Variants in MCTP1 observed in about 807,000 individuals in gnomAD.
MCTP1 encodes multiple C2 and transmembrane domain-containing protein 1.
MCTP1 carries 69 observed loss-of-function variants against 120.6 expected under a neutral mutation model. That is an observed-to-expected ratio of 0.57 (90% CI 0.47 to 0.70). MCTP1 has a LOEUF of 0.70. Ranked by LOEUF, MCTP1 falls within the 30% of genes least tolerant of loss-of-function variation. The pLI, the probability that MCTP1 is intolerant of heterozygous loss-of-function variation, is 0.00. For missense variants in MCTP1, 1,203 were observed against 1,248.8 expected, an observed-to-expected ratio of 0.96 and a Z score of 0.55; for synonymous variants, 529 against 493.1, an observed-to-expected ratio of 1.07 and a Z score of -0.96.
At chr5:95,253,555 T>C (rs1282965760) in intron 1 of MCTP1, among the ~76,000 whole-genome samples, 1 of 152,186 alleles carries the variant, frequency 6.6e-6, no homozygotes, top group Non-Finnish European at 1.5e-5. Context: ...TCTTTGTCTT[T>C]GCTCTTTCCC....
chr5:95,232,908 G>A (rs1396615654), intron 1 of MCTP1, among the ~76,000 whole-genome samples: 1 of 152,084 alleles, frequency 6.6e-6, no homozygotes, highest in Middle Eastern at 3.2e-3. Flanking sequence ...TGTACCTAAA[G>A]GACATTATAA....
At chr5:95,029,970 T>C (rs1839981441) in intron 1 of MCTP1, among the ~76,000 whole-genome samples, 1 of 152,056 alleles carries the variant, frequency 6.6e-6, no homozygotes, top group Non-Finnish European at 1.5e-5. Context: ...CAACTCCCAC[T>C]CCCTACACAG....
At chr5:94,785,311 TCTAA>T (rs1172658661) in intron 18 of MCTP1, among the ~76,000 whole-genome samples, 1 of 152,132 alleles carries the variant, frequency 6.6e-6, no homozygotes, top group Non-Finnish European at 1.5e-5. Context: ...TCTGTCTCCA[TCTAA>T]AGGCTTTACA....
intron 5 of MCTP1, among the ~76,000 whole-genome samples, chr5:94,936,247 C>A (rs1002150433): frequency 6.7e-6 from 1 of 149,694 alleles, no homozygotes; most frequent in Admixed American, 6.7e-5. Context: ...AGAAAAAAAA[C>A]CATACACCCT....
At chr5:94,755,931 C>T (rs1170074789) in intron 19 of MCTP1, among the ~76,000 whole-genome samples, 1 of 152,140 alleles carries the variant, frequency 6.6e-6, no homozygotes, top group Admixed American at 6.6e-5. Flanking sequence ...ATTTCAAACT[C>T]GACATGTTAG....
At position 94,894,799 on chromosome 5, in the gene MCTP1, C is replaced by G. The variant is rs760827846; in HGVS notation, c.1689G>C (p.Gln563His). The change falls in exon 11 of 23, where the codon CAG becomes CAC. Residue 563 changes from glutamine to histidine, a missense_variant. This residue lies in a region of MCTP1 where 740 missense variants were observed against 871.1 expected (regional missense o/e 0.85). Coordinates refer to ENST00000515393, the MANE Select transcript of MCTP1 (RefSeq NM_024717.7). ...CCAGCTGCAACTCCAGCTTGTGCGT[C>G]TGTTCCCTACTGAGGGCTGACAGGT... ...QVDLSALSRE[Q>H]THKLELQLEE... 5 of 1,608,318 alleles carry G rather than the reference C, an allele frequency of 3.1e-6. No homozygotes were observed. In the African/African-American group the frequency reaches 5.4e-5, roughly 17 times the overall value.
chr5:95,007,970 G>C (rs1170549229), intron 2 of MCTP1, among the ~76,000 whole-genome samples: 4 of 152,042 alleles, frequency 2.6e-5, no homozygotes, highest in Non-Finnish European at 1.5e-5. Context: ...ACAATAAACA[G>C]GTTCATTTTG....
chr5:95,031,186 A>T (rs931515274), intron 1 of MCTP1, among the ~76,000 whole-genome samples: 4 of 152,138 alleles, frequency 2.6e-5, no homozygotes, highest in African/African-American at 7.2e-5. Context: ...AGAAAAAAAA[A>T]GTAGGAACTC....
rs187508308 is a variant in MCTP1, at chr5:95,124,689, G to A, written c.721-107205C>T. 1.6e-3 allele frequency among the ~76,000 whole-genome samples: 243 copies of A among 152,254 alleles called. 1 individual carries two copies. Among genetic ancestry groups the A allele is most frequent in the Non-Finnish European group, 2.6e-3 (177 of 68,018 alleles). On this transcript the variant is annotated intron_variant, in intron 1 of 22. Coordinates refer to ENST00000515393, the MANE Select transcript of MCTP1 (RefSeq NM_024717.7). Reference sequence around the variant, plus strand: ...CAGGAAAGAAAAGCATAATTCCTACGTTTGTAGAACTTATACTCTATATCA... The same window carrying A: ...CAGGAAAGAAAAGCATAATTCCTACATTTGTAGAACTTATACTCTATATCA...
chr5:94,868,470 ATAT>A lies in MCTP1; in HGVS notation c.2317-21_2317-19del, dbSNP rs754967956. ...AGTAGCAGCTGTAAGGAAAATGAAA[ATAT>A]TATTATAATTTGCAAGACTAAAAAC... On this transcript the variant is annotated intron_variant, in intron 16 of 22. Coordinates refer to ENST00000515393, the MANE Select transcript of MCTP1 (RefSeq NM_024717.7). 3.8e-6 allele frequency: 6 copies of A among 1,562,084 alleles called. No individual in the cohort carries two copies. The Admixed American group carries it at 7.5e-5, about 19-fold the overall frequency.
At chr5:94,837,968 A>G (rs1182083165) in intron 17 of MCTP1, among the ~76,000 whole-genome samples, 5 of 152,230 alleles carry the variant, frequency 3.3e-5, no homozygotes, top group Non-Finnish European at 7.3e-5. Context: ...ACATACCACT[A>G]TTTGATTTAA....
chr5:94,955,474 T>G (rs1469832681), intron 2 of MCTP1, among the ~76,000 whole-genome samples: 4 of 152,148 alleles, frequency 2.6e-5, no homozygotes, highest in Non-Finnish European at 5.9e-5. Flanking sequence ...TCTTGCTCAG[T>G]GGATCCTACC....
intron 19 of MCTP1, among the ~76,000 whole-genome samples, chr5:94,719,873 T>C (rs1760453162): frequency 6.6e-6 from 1 of 152,206 alleles, no homozygotes; most frequent in South Asian, 2.1e-4. Flanking sequence ...CTCATGCCTG[T>C]AATCCCAGCA....
chr5:94,894,531 C>G, intron 11 of MCTP1, 118 bp downstream of exon 11: 1 of 704,496 alleles, frequency 1.4e-6, no homozygotes, highest in Non-Finnish European at 2.2e-6. Context: ...CAGCTTTTTA[C>G]TTGTGCCAAT....
At chr5:94,800,542 C>T (rs990175688) in intron 17 of MCTP1, among the ~76,000 whole-genome samples, 1 of 152,074 alleles carries the variant, frequency 6.6e-6, no homozygotes, top group Non-Finnish European at 1.5e-5. Context: ...TAGAGAGACT[C>T]CTGGCCTCAG....
intron 1 of MCTP1, among the ~76,000 whole-genome samples, chr5:95,195,274 G>T (rs1750253105): frequency 6.6e-6 from 1 of 152,170 alleles, no homozygotes; most frequent in South Asian, 2.1e-4. Flanking sequence ...CTTGACTGAA[G>T]GAGACAATTT....
In MCTP1 at chr5:94,861,037, T is replaced by C. The variant is rs1795684493; in HGVS notation, c.2436+7296A>G. ...TATGCTTTCTGTCTTTCCTTGCCTC[T>C]TAGTTTTCTCTGATTTTCTCTTCGT... On this transcript the variant is annotated intron_variant, in intron 17 of 22. Coordinates refer to ENST00000515393, the MANE Select transcript of MCTP1 (RefSeq NM_024717.7). Among the ~76,000 whole-genome samples, 2 of 151,824 alleles carry C rather than the reference T, an allele frequency of 1.3e-5. 1 individual carries two copies. Among genetic ancestry groups the C allele is most frequent in the African/African-American group, 4.8e-5 (2 of 41,394 alleles).
chr5:95,126,493 C>T (rs1250276083), intron 1 of MCTP1, among the ~76,000 whole-genome samples: 1 of 152,168 alleles, frequency 6.6e-6, no homozygotes, highest in African/African-American at 2.4e-5. Flanking sequence ...CAATGAAAAA[C>T]ACAGGTCCAC....
intron 19 of MCTP1, among the ~76,000 whole-genome samples, chr5:94,774,828 T>G (rs1199568000): frequency 6.6e-6 from 1 of 152,232 alleles, no homozygotes; most frequent in South Asian, 2.1e-4. Flanking sequence ...CTTGCCTTTC[T>G]CCAAAGCCTT....
Sources: allele counts gnomAD v4.1 joint callset (sites outside exome capture counted in the v4.1 genomes callset), GRCh38; gene constraint gnomAD v4.1.1; regional missense constraint gnomAD v4.1.1; transcripts MANE v1.5; gene names NCBI Gene and HGNC (gene_info 2026-07-23, HGNC 2026-07-21).